THOC2: variants seen among roughly 807,000 people sequenced by gnomAD.
The protein encoded by THOC2 is THO complex 2.
A neutral mutation model predicts 128.4 loss-of-function variants in THOC2; 10 were observed. The observed-to-expected ratio is 0.08, with a 90% CI of 0.05 to 0.13. THOC2 has a LOEUF of 0.13. THOC2 is among the 10% of genes least tolerant of loss of function. The pLI is 1.00. For missense variants in THOC2, 535 were observed against 1,155.7 expected, an observed-to-expected ratio of 0.46 and a Z score of 7.79; for synonymous variants, 393 against 396.9, an observed-to-expected ratio of 0.99 and a Z score of 0.12.
At chrX:123,629,982 A>G (rs1320610834) in intron 22 of THOC2, among the ~76,000 whole-genome samples, 1 of 111,947 alleles carries the variant, frequency 8.9e-6, no homozygotes, top group Admixed American at 9.4e-5. Flanking sequence ...AAAACTAAAA[A>G]TTAGTTTATA....
chrX:123,690,949 C>T (rs1219588117), intron 7 of THOC2, among the ~76,000 whole-genome samples: 4 of 112,172 alleles, frequency 3.6e-5, no homozygotes, highest in South Asian at 3.7e-4. Flanking sequence ...TGGTGGCTCA[C>T]GCCTGTAATC....
chrX:123,729,810 T>C (rs1351739191), intron 1 of THOC2, among the ~76,000 whole-genome samples: 1 of 112,057 alleles, frequency 8.9e-6, no homozygotes, highest in Non-Finnish European at 1.9e-5. Context: ...AGGAAAAAGG[T>C]TTTTTGTAAT....
chrX:123,647,840 C>CA (rs60123342), intron 12 of THOC2, among the ~76,000 whole-genome samples: 12,380 of 37,528 alleles, frequency 0.33, 2,024 homozygotes, highest in South Asian at 0.48. Context: ...GACTCTGTCT[C>CA]AAAAAAAAAA....
intron 12 of THOC2, among the ~76,000 whole-genome samples, chrX:123,647,996 T>C (rs960420657): frequency 1.8e-5 from 2 of 111,102 alleles, no homozygotes; most frequent in African/African-American, 6.5e-5. Context: ...CTCTCAGAAA[T>C]CACGGGTTCG....
intron 33 of THOC2, among the ~76,000 whole-genome samples, chrX:123,615,267 T>C (rs1038378480): frequency 2.7e-5 from 3 of 111,559 alleles, no homozygotes; most frequent in Non-Finnish European, 5.7e-5. Context: ...TTCAAAGGAA[T>C]ACATGAAAAA....
At chrX:123,615,644 C>CA (rs55742104) in intron 33 of THOC2, among the ~76,000 whole-genome samples, 30,629 of 95,784 alleles carry the variant, frequency 0.32, 3,757 homozygotes, top group East Asian at 0.67. Context: ...CCAATAAAAG[C>CA]AAAAAAAAAA....
At chrX:123,633,640 G>C (rs1175464643) in intron 20 of THOC2, among the ~76,000 whole-genome samples, 3 of 111,525 alleles carry the variant, frequency 2.7e-5, no homozygotes, top group East Asian at 5.6e-4. Flanking sequence ...CTGACCTCAG[G>C]TGATCCACCC....
At chrX:123,731,985 AATGAG>A (rs1341820617) in intron 1 of THOC2, among the ~76,000 whole-genome samples, 1 of 111,235 alleles carries the variant, frequency 9.0e-6, no homozygotes. Context: ...CAGAGAAGGA[AATGAG>A]ATGTTATTAA....
At position 123,718,624 on chromosome X, in the gene THOC2, T is replaced by C. The variant is rs1445605192; in HGVS notation, c.72-5716A>G. Among the ~76,000 whole-genome samples, 6 of 110,953 alleles carry C rather than the reference T, an allele frequency of 5.4e-5. No homozygotes were observed. In the East Asian group the frequency reaches 1.7e-3, roughly 32 times the overall value. ...AAATACAAAAATTATCCGGGCATGGTGGCGCATGCCTGTAATGCCAGCTAC... is the reference window on the plus strand; with the variant it reads ...AAATACAAAAATTATCCGGGCATGGCGGCGCATGCCTGTAATGCCAGCTAC... On this transcript the variant is annotated intron_variant, in intron 1 of 38. Coordinates refer to ENST00000245838, the MANE Select transcript of THOC2 (RefSeq NM_001081550.2).
Position 123,645,337 on chromosome X carries a change from T to C in THOC2, c.1425A>G (p.Lys475=), listed in dbSNP as rs1312701527. The C allele has an allele frequency of 8.8e-7, 1 of 1,135,805 alleles. No homozygotes were observed. Among genetic ancestry groups the C allele is most frequent in the Non-Finnish European group, 1.2e-6 (1 of 841,858 alleles). The allele number at this position is 1,135,805 out of a possible 1,213,427, so 93.6% of individuals were successfully genotyped here. The change falls in exon 13 of 39, where the codon AAA becomes AAG. Residue 475 remains lysine, a synonymous_variant. Transcript: ENST00000245838. ...TTGGATTTTTCTAGTCTCTTACCGT[T>C]TTTTCTTTATCTTCTTGTTTGCTTC... ...SDGSKQEDKE[K]TEVILSCLLS... is the part of the protein sequence containing the mutation.
At chrX:123,608,902 C>T (rs1454211430) in intron 38 of THOC2, among the ~76,000 whole-genome samples, 1 of 112,263 alleles carries the variant, frequency 8.9e-6, no homozygotes, top group East Asian at 2.8e-4. Flanking sequence ...TGCTATAAGA[C>T]CACGAGCCAA....
At chrX:123,682,123 A>C (rs1262106207) in intron 8 of THOC2, among the ~76,000 whole-genome samples, 1 of 112,711 alleles carries the variant, frequency 8.9e-6, no homozygotes, top group Non-Finnish European at 1.9e-5. Flanking sequence ...TTTAGGAAGA[A>C]GCTTTCATGA....
At chrX:123,645,432 CAATT>C in intron 12 of THOC2, 57 bp from the exon 13 acceptor site, 2 of 709,932 alleles carry the variant, frequency 2.8e-6, no homozygotes, top group African/African-American at 4.4e-5. Flanking sequence ...TATGATGTCA[CAATT>C]AATTTCTAAT....
chrX:123,695,787 G>A (rs1456261264), intron 7 of THOC2, among the ~76,000 whole-genome samples: 2 of 111,369 alleles, frequency 1.8e-5, no homozygotes, highest in African/African-American at 6.5e-5. Context: ...ACTAGACAGA[G>A]CAGGACCTAA....
At chrX:123,629,246 C>CACACACAT (rs941408462) in intron 22 of THOC2, among the ~76,000 whole-genome samples, 6 of 102,036 alleles carry the variant, frequency 5.9e-5, no homozygotes, top group East Asian at 3.0e-4. Flanking sequence ...CACACACACA[C>CACACACAT]ATATATATGA....
At chrX:123,646,591 C>A (rs1420967041) in intron 12 of THOC2, among the ~76,000 whole-genome samples, 1 of 112,649 alleles carries the variant, frequency 8.9e-6, no homozygotes, top group East Asian at 2.8e-4. Context: ...TGTTATGCTA[C>A]ATTTTCACAT....
At position 123,600,666 on chromosome X, in the gene THOC2, C is replaced by T. The variant is rs1293951068; in HGVS notation, c.*691G>A. On this transcript the variant is annotated 3_prime_UTR_variant, in exon 39 of 39. Coordinates refer to ENST00000245838, the MANE Select transcript of THOC2 (RefSeq NM_001081550.2). ...TAAAAATGTCACTGTGAAACTTTTC[C>T]AGATGAAAGTTCAGCAATACAAAGC... 8.9e-6 allele frequency: 1 copy of T among 112,018 alleles called. No homozygotes were observed. Among genetic ancestry groups the T allele is most frequent in the East Asian group, 2.8e-4 (1 of 3,597 alleles). 9.2% of individuals were successfully genotyped at this position (112,018 alleles called of 1,213,427 possible). A position where few individuals can be genotyped will look rare whatever the true frequency, so the allele number is the denominator to read the frequency against.
chrX:123,684,612 T>TC (rs2049931328), intron 8 of THOC2, among the ~76,000 whole-genome samples: 1 of 111,625 alleles, frequency 9.0e-6, no homozygotes, highest in Non-Finnish European at 1.9e-5. Context: ...GGTCTCAAAC[T>TC]CCTGACCTCA....
intron 4 of THOC2, among the ~76,000 whole-genome samples, chrX:123,701,706 G>T (rs1476247327): frequency 9.5e-6 from 1 of 105,006 alleles, no homozygotes. Flanking sequence ...AAAAAAAAAA[G>T]GTAATATCTT....
Sources: allele counts gnomAD v4.1 joint callset (sites outside exome capture counted in the v4.1 genomes callset), GRCh38; gene constraint gnomAD v4.1.1; transcripts MANE v1.5; gene names NCBI Gene and HGNC (gene_info 2026-07-23, HGNC 2026-07-21).